Variants in REPS1 observed in about 807,000 individuals in gnomAD.
The protein encoded by REPS1 is RALBP1 associated Eps domain containing 1.
A neutral mutation model predicts 100.9 loss-of-function variants in REPS1; 39 were observed. The ratio of observed to expected loss-of-function variants is 0.39; its 90% CI spans 0.30 to 0.50. The LOEUF is 0.50. Among genes scored for constraint, REPS1 ranks in the 20% least tolerant of loss-of-function variants. The pLI is 0.86. For missense variants in REPS1, 821 were observed against 968.5 expected (o/e 0.85, Z 2.02); for synonymous variants, 324 against 340.3 (o/e 0.95, Z 0.53).
intron 2 of REPS1, among the ~76,000 whole-genome samples, chr6:138,947,373 C>CCAAA (rs988200529): frequency 1.3e-5 from 2 of 151,612 alleles, no homozygotes; most frequent in Non-Finnish European, 2.9e-5. Flanking sequence ...CACAGCCTTC[C>CCAAA]CAAACAAACA....
At position 138,909,001 on chromosome 6, in the gene REPS1, G is replaced by A. The variant is rs140171260; in HGVS notation, c.2068-185C>T. ...ATTACAGTGAGAAAAGATGTTTCTAGTTGACACCACAATCATGAATGTACC... is the reference window on the plus strand; with the variant it reads ...ATTACAGTGAGAAAAGATGTTTCTAATTGACACCACAATCATGAATGTACC... On this transcript the variant is annotated intron_variant, in intron 17 of 19. Transcript: ENST00000450536. The A allele has an allele frequency of 7.4e-4, 420 of 566,264 alleles. 1 individual carries two copies. Among genetic ancestry groups the A allele is most frequent in the Non-Finnish European group, 1.1e-3 (349 of 323,220 alleles). 35.1% of individuals were successfully genotyped at this position (566,264 alleles called of 1,614,324 possible).
intron 1 of REPS1, among the ~76,000 whole-genome samples, chr6:138,978,108 C>A (rs77336023): frequency 0.17 from 22,382 of 135,332 alleles, 1,741 homozygotes; most frequent in African/African-American, 0.2. Flanking sequence ...TTTTTTTTTT[C>A]CTTATAAGTG....
chr6:138,907,310 AAAAGT>A, intron 19 of REPS1, 180 bp downstream of exon 19: 18 of 150,016 alleles, frequency 1.2e-4, no homozygotes, highest in South Asian at 2.0e-4. Flanking sequence ...AAAAAAAAAA[AAAAGT>A]GTGTGTGTGT....
intron 8 of REPS1, 138 bp from the exon 9 acceptor site, chr6:138,930,236 C>T (rs965833995): frequency 3.0e-6 from 2 of 657,200 alleles, no homozygotes; most frequent in Admixed American, 2.9e-5. Flanking sequence ...TCCTCATGTT[C>T]TCAGAGTAAG....
chr6:138,932,792 A>C (rs976582485), intron 8 of REPS1, among the ~76,000 whole-genome samples: 2 of 152,258 alleles, frequency 1.3e-5, no homozygotes, highest in Non-Finnish European at 2.9e-5. Context: ...AAAATGAACA[A>C]AGTGAGCTTG....
chr6:138,915,739 A>G, intron 14 of REPS1, 119 bp downstream of exon 14: 1 of 761,712 alleles, frequency 1.3e-6, no homozygotes, highest in Non-Finnish European at 2.1e-6. Context: ...GAGCAACCAC[A>G]CTCGACCAGA....
At chr6:138,974,284 G>T (rs1210950633) in intron 1 of REPS1, among the ~76,000 whole-genome samples, 2 of 152,046 alleles carry the variant, frequency 1.3e-5, no homozygotes, top group African/African-American at 4.8e-5. Flanking sequence ...CTTGAATATC[G>T]TAAGAGCATG....
intron 1 of REPS1, among the ~76,000 whole-genome samples, chr6:138,981,398 A>T (rs1012451140): frequency 2.0e-5 from 3 of 152,232 alleles, no homozygotes; most frequent in Non-Finnish European, 2.9e-5. Flanking sequence ...GTGAAGATGC[A>T]TCTATAATAG....
At chr6:138,956,972 C>T (rs995694132) in intron 1 of REPS1, among the ~76,000 whole-genome samples, 8 of 151,262 alleles carry the variant, frequency 5.3e-5, no homozygotes, top group African/African-American at 1.7e-4. Flanking sequence ...TCAATAGAAA[C>T]ACTAGAAGAT....
chr6:138,961,474 C>T (rs1164435401), intron 1 of REPS1, among the ~76,000 whole-genome samples: 4 of 151,996 alleles, frequency 2.6e-5, no homozygotes, highest in Non-Finnish European at 5.9e-5. Context: ...ATCCACCTGC[C>T]TCGGCCTCCC....
At chr6:138,922,771 A>G (rs959085841) in intron 10 of REPS1, among the ~76,000 whole-genome samples, 2 of 152,238 alleles carry the variant, frequency 1.3e-5, no homozygotes, top group Non-Finnish European at 2.9e-5. Flanking sequence ...ATATCTAGTC[A>G]TGAATTAAGT....
intron 1 of REPS1, among the ~76,000 whole-genome samples, chr6:138,976,967 G>GT (rs1784633160): frequency 6.6e-6 from 1 of 152,158 alleles, no homozygotes; most frequent in Non-Finnish European, 1.5e-5. Context: ...CTGAAGTTTT[G>GT]TAATTAAACT....
intron 1 of REPS1, among the ~76,000 whole-genome samples, chr6:138,976,037 T>G (rs1205700901): frequency 6.6e-6 from 1 of 152,206 alleles, no homozygotes; most frequent in Non-Finnish European, 1.5e-5. Flanking sequence ...ATTACTACGA[T>G]GTTGTAATTA....
chr6:138,912,710 C>T, intron 16 of REPS1, 55 bp downstream of exon 16: 2 of 1,521,622 alleles, frequency 1.3e-6, no homozygotes, highest in Non-Finnish European at 9.1e-7. Context: ...GTTGACACAA[C>T]ATGGTATGGG....
intron 1 of REPS1, among the ~76,000 whole-genome samples, chr6:138,982,210 C>A (rs911276378): frequency 6.6e-6 from 1 of 152,184 alleles, no homozygotes; most frequent in African/African-American, 2.4e-5. Flanking sequence ...AAACTTATCA[C>A]TAATGCCAGA....
intron 14 of REPS1, among the ~76,000 whole-genome samples, chr6:138,915,566 C>A (rs1192189855): frequency 6.6e-6 from 1 of 151,682 alleles, no homozygotes; most frequent in East Asian, 1.9e-4. Flanking sequence ...GACTCTCCCA[C>A]CTCAGCCTCC....
intron 1 of REPS1, among the ~76,000 whole-genome samples, chr6:138,982,935 AC>A (rs1251815703): frequency 6.6e-6 from 1 of 152,220 alleles, no homozygotes; most frequent in African/African-American, 2.4e-5. Flanking sequence ...ACATCATCAT[AC>A]ATTAAACTAC....
chr6:138,969,601 TA>T (rs1476956975), intron 1 of REPS1, among the ~76,000 whole-genome samples: 1 of 151,914 alleles, frequency 6.6e-6, no homozygotes, highest in African/African-American at 2.4e-5. Flanking sequence ...GCTGTAATTT[TA>T]AGCATCAAAA....
At chr6:138,947,717 G>A in intron 2 of REPS1, 73 bp downstream of exon 2, 1 of 1,283,332 alleles carries the variant, frequency 7.8e-7, no homozygotes, top group Non-Finnish European at 1.0e-6. Flanking sequence ...AAAGACACAA[G>A]AGTTCTATTG....
Sources: allele counts gnomAD v4.1 joint callset (sites outside exome capture counted in the v4.1 genomes callset), GRCh38; gene constraint gnomAD v4.1.1; transcripts MANE v1.5; gene names NCBI Gene and HGNC (gene_info 2026-07-23, HGNC 2026-07-21).